OSBPL3: variants seen among roughly 807,000 people sequenced by gnomAD.
OSBPL3 encodes oxysterol binding protein like 3, also known as oxysterol-binding protein-related protein 3.
A neutral mutation model predicts 120.1 loss-of-function variants in OSBPL3; 65 were observed. That is an observed-to-expected ratio of 0.54 (90% CI 0.44 to 0.67). The LOEUF is 0.67. Among genes scored for constraint, OSBPL3 ranks in the 30% least tolerant of loss-of-function variants. The pLI, the probability that OSBPL3 is intolerant of heterozygous loss-of-function variation, is 0.00. For missense variants in OSBPL3, 1,004 were observed against 1,082.1 expected (o/e 0.93, Z 1.01); for synonymous variants, 416 against 402.6 (o/e 1.03, Z -0.40).
At position 24,806,671 on chromosome 7, in the gene OSBPL3, T is replaced by A; in HGVS notation, c.2444+105A>T. The A allele has an allele frequency of 9.7e-7, 1 of 1,030,866 alleles. No individual in the cohort carries two copies. The allele number at this position is 1,030,866 out of a possible 1,614,324, so 63.9% of individuals were successfully genotyped here. A position where few individuals can be genotyped will look rare whatever the true frequency, so the allele number is the denominator to read the frequency against. ...CCCCACCTCTCAATTCCTGATGACA[T>A]TTTCCACCTTTCTCAGGTGCCTCTG... On this transcript the variant is annotated intron_variant, in intron 21 of 22. Coordinates refer to ENST00000313367, the MANE Select transcript of OSBPL3 (RefSeq NM_015550.4). This position sits in a 1 kb window ranked among gnomAD's most constrained non-coding sequence, Gnocchi z 5.2.
chr7:24,820,216 G>C lies in OSBPL3; in HGVS notation c.1907C>G (p.Ser636Cys), dbSNP rs1185623629. The change falls in exon 17 of 23, where the codon TCT becomes TGT. Residue 636 changes from serine to cysteine, a missense_variant. Ser to Cys is a moderately radical substitution (Grantham distance 112, BLOSUM62 -1). This residue lies in a region of OSBPL3 where 473 missense variants were observed against 568.0 expected (regional missense o/e 0.83). Coordinates refer to ENST00000313367, the MANE Select transcript of OSBPL3 (RefSeq NM_015550.4). This position sits in a 1 kb window ranked among gnomAD's most constrained non-coding sequence, Gnocchi z 4.6. ...SEQVSHHPPI[S>C]ACHAESRNFV... is the part of the protein sequence containing the mutation. ...ATTTCTAGACTCAGCATGACACGCA[G>C]AGATAGGCGGATGGTGGCTGACCTG... 1.2e-6 allele frequency: 2 copies of C among 1,612,414 alleles called. No individual in the cohort carries two copies. The highest frequency in any genetic ancestry group is 1.7e-5 in the Admixed American group (1 of 60,002).
Position 24,962,385 on chromosome 7 carries a change from GGGA to G in OSBPL3, c.-150+17498_-150+17500del, listed in dbSNP as rs749427773. 1.0e-3 allele frequency among the ~76,000 whole-genome samples: 132 copies of G among 128,542 alleles called. 3 individuals are homozygous for G. The highest frequency in any genetic ancestry group is 3.0e-3 in the African/African-American group (106 of 35,716). The allele number at this position is 128,542 out of a possible 152,430, so 84.3% of individuals were successfully genotyped here. A position where few individuals can be genotyped will look rare whatever the true frequency, so the allele number is the denominator to read the frequency against. On this transcript the variant is annotated intron_variant, in intron 1 of 22. Transcript: ENST00000313367. The stretch of plus-strand genomic sequence containing the variant: ...AAAAGAAAAAGAAAGGAGAGGAGAG[GGGA>G]GGGGGGAGGGGAGGGCAGAAGGGAG...
In OSBPL3 at chr7:24,912,790, T is replaced by G. The variant is rs1809008017; in HGVS notation, c.-149-20169A>C. ...CTAACAAAGTGACCGTGACACTTCTTCATCAATAGATGGCTTCTATATTCC... is the reference window on the plus strand; with the variant it reads ...CTAACAAAGTGACCGTGACACTTCTGCATCAATAGATGGCTTCTATATTCC... On this transcript the variant is annotated intron_variant, in intron 1 of 22. Coordinates refer to ENST00000313367, the MANE Select transcript of OSBPL3 (RefSeq NM_015550.4). The surrounding 1 kb of genome is among the most constrained non-coding windows in gnomAD (Gnocchi z 4.5). Among the ~76,000 whole-genome samples the G allele has an allele frequency of 6.6e-6, 1 of 152,244 alleles. No individual in the cohort carries two copies. Among genetic ancestry groups the G allele is most frequent in the Admixed American group, 6.5e-5 (1 of 15,288 alleles).
At chr7:24,971,197 G>A (rs1816982370) in intron 1 of OSBPL3, among the ~76,000 whole-genome samples, 1 of 152,242 alleles carries the variant, frequency 6.6e-6, no homozygotes, top group South Asian at 2.1e-4. Flanking sequence ...CAAGGGCTTG[G>A]CAATAGAGGC....
chr7:24,809,150 G>GT (rs1562755661), intron 20 of OSBPL3, among the ~76,000 whole-genome samples: 1 of 152,126 alleles, frequency 6.6e-6, no homozygotes, highest in African/African-American at 2.4e-5. Context: ...TTTCTGTTTG[G>GT]TTTTTTACCA....
At position 24,932,325 on chromosome 7, in the gene OSBPL3, G is replaced by A. The variant is rs1811884781; in HGVS notation, c.-149-39704C>T. Among the ~76,000 whole-genome samples the A allele has an allele frequency of 1.3e-5, 2 of 152,116 alleles. No homozygotes were observed. Among genetic ancestry groups the A allele is most frequent in the African/African-American group, 2.4e-5 (1 of 41,402 alleles). On this transcript the variant is annotated intron_variant, in intron 1 of 22. Transcript: ENST00000313367. The surrounding 1 kb of genome is among the most constrained non-coding windows in gnomAD (Gnocchi z 5.6). ...ATTCCCCGGTCAAGTTTCAAGCTGT[G>A]CGCCCAGGGGTCTGAGATAGGTTAG...
rs776609302 is a variant in OSBPL3 at position 24,863,536 on chromosome 7, A to C, written c.737T>G (p.Leu246Arg). The C allele has an allele frequency of 1.8e-5, 29 of 1,613,996 alleles. No homozygotes were observed. The highest frequency in any genetic ancestry group is 2.5e-5 in the Non-Finnish European group (29 of 1,179,970). ...AGCTGGTGCCGAGTATGTCCGATGC[A>C]GGACGTCCATGCTTTGCAGGAGCTG... is the stretch of plus-strand genomic sequence containing the variant. ...MSQLLQSMDV[L>R]HRTYSAPAIN... Residue 246 changes from leucine to arginine, a missense_variant, in exon 8 of 23, where the codon CTG becomes CGG. Leu to Arg is a moderately radical substitution (Grantham distance 102). Coordinates refer to ENST00000313367, the MANE Select transcript of OSBPL3 (RefSeq NM_015550.4). The surrounding 1 kb of genome is among the most constrained non-coding windows in gnomAD (Gnocchi z 5.8).
At chr7:24,895,724 C>T (rs1016563627) in intron 1 of OSBPL3, among the ~76,000 whole-genome samples, 1 of 152,096 alleles carries the variant, frequency 6.6e-6, no homozygotes, top group African/African-American at 2.4e-5. Context: ...TTTCACTCCA[C>T]CCGGAGACCC....
chr7:24,806,684 T>C lies in OSBPL3; in HGVS notation c.2444+92A>G, dbSNP rs1372020579. On this transcript the variant is annotated intron_variant, in intron 21 of 22. Coordinates refer to ENST00000313367, the MANE Select transcript of OSBPL3 (RefSeq NM_015550.4). This position sits in a 1 kb window ranked among gnomAD's most constrained non-coding sequence, Gnocchi z 5.2. ...TTCCTGATGACATTTTCCACCTTTC[T>C]CAGGTGCCTCTGGTGGCCTAAGGAT... 1.0e-5 allele frequency: 12 copies of C among 1,166,642 alleles called. No individual in the cohort carries two copies. The highest frequency in any genetic ancestry group is 1.5e-5 in the Non-Finnish European group (12 of 821,326). 72.3% of individuals were successfully genotyped at this position (1,166,642 alleles called of 1,614,324 possible).
chr7:24,971,408 G>A (rs1050780155), intron 1 of OSBPL3, among the ~76,000 whole-genome samples: 12 of 152,174 alleles, frequency 7.9e-5, no homozygotes, highest in Admixed American at 1.3e-4. Context: ...AGGCAAGCCC[G>A]GGCACAGCTC....
In OSBPL3 at chr7:24,849,732, T is replaced by C. The variant is rs1798906796; in HGVS notation, c.1159-556A>G. The stretch of plus-strand genomic sequence containing the variant: ...ACTTTGGGAGGTGGAGGCGGGCAGA[T>C]TACTTGAGGTCAGGAGTTTGAGAAC... On this transcript the variant is annotated intron_variant, in intron 11 of 22. Transcript: ENST00000313367. The surrounding 1 kb of genome is among the most constrained non-coding windows in gnomAD (Gnocchi z 5.4). Among the ~76,000 whole-genome samples the C allele has an allele frequency of 6.6e-6, 1 of 152,104 alleles. No homozygotes were observed. The highest frequency in any genetic ancestry group is 2.4e-5 in the African/African-American group (1 of 41,420).
At chr7:24,884,060 AAAAC>A (rs975377083) in intron 2 of OSBPL3, among the ~76,000 whole-genome samples, 3 of 141,816 alleles carry the variant, frequency 2.1e-5, no homozygotes, top group South Asian at 2.5e-4. Flanking sequence ...GGTCCACTAG[AAAAC>A]AAACAAACAA....
chr7:24,904,266 G>A (rs1807519425), intron 1 of OSBPL3, among the ~76,000 whole-genome samples: 1 of 152,016 alleles, frequency 6.6e-6, no homozygotes, highest in African/African-American at 2.4e-5. Flanking sequence ...GGAGAAGTGG[G>A]ACAGAAAAAG....
chr7:24,895,566 G>A (rs555990698), intron 1 of OSBPL3, among the ~76,000 whole-genome samples: 2 of 152,210 alleles, frequency 1.3e-5, no homozygotes, highest in African/African-American at 2.4e-5. Flanking sequence ...GGCAGCTGTA[G>A]CCCAAGACTA....
At chr7:24,844,797 C>CCT (rs752302508) in intron 12 of OSBPL3, among the ~76,000 whole-genome samples, 1 of 151,898 alleles carries the variant, frequency 6.6e-6, no homozygotes. Flanking sequence ...GGACGTGGCC[C>CCT]CTATTAACTT....
At chr7:24,909,783 CTTTTT>C (rs10591188) in intron 1 of OSBPL3, among the ~76,000 whole-genome samples, 12 of 77,272 alleles carry the variant, frequency 1.6e-4, no homozygotes, top group African/African-American at 2.7e-4. Context: ...TTTTTTCTTT[CTTTTT>C]TTTTTTTTTT....
intron 1 of OSBPL3, among the ~76,000 whole-genome samples, chr7:24,908,894 C>G (rs1187626724): frequency 3.3e-5 from 5 of 152,252 alleles, no homozygotes; most frequent in Admixed American, 6.5e-5. Flanking sequence ...GCCAAACACA[C>G]TTGTCCTCAA....
intron 1 of OSBPL3, among the ~76,000 whole-genome samples, chr7:24,973,539 T>A (rs1476447664): frequency 6.6e-6 from 1 of 152,188 alleles, no homozygotes; most frequent in Non-Finnish European, 1.5e-5. Context: ...AAATTACCAG[T>A]GAGTCTTCTG....
At chr7:24,870,649 C>T in intron 5 of OSBPL3, 83 bp downstream of exon 5, 5 of 859,822 alleles carry the variant, frequency 5.8e-6, no homozygotes, top group Non-Finnish European at 1.0e-5. Context: ...TGGCCGAATA[C>T]CCAAAAGGCA....
Sources: allele counts gnomAD v4.1 joint callset (sites outside exome capture counted in the v4.1 genomes callset), GRCh38; gene constraint gnomAD v4.1.1; regional missense constraint gnomAD v4.1.1; non-coding constraint Gnocchi (gnomAD v3.1); transcripts MANE v1.5; gene names NCBI Gene and HGNC (gene_info 2026-07-23, HGNC 2026-07-21).